SHTN1: variants seen among roughly 807,000 people sequenced by gnomAD.
The protein encoded by SHTN1 is shootin-1.
A neutral mutation model predicts 83.1 loss-of-function variants in SHTN1; 42 were observed. The ratio of observed to expected loss-of-function variants is 0.51; its 90% CI spans 0.39 to 0.65. SHTN1 has a LOEUF of 0.65. Among genes scored for constraint, SHTN1 ranks in the 30% least tolerant of loss-of-function variants. The pLI, the probability that SHTN1 is intolerant of heterozygous loss-of-function variation, is 0.00. For synonymous variants in SHTN1, 224 were observed against 247.7 expected, an observed-to-expected ratio of 0.90 and a Z score of 0.90; for missense variants, 622 against 737.8, an observed-to-expected ratio of 0.84 and a Z score of 1.82.
chr10:117,046,984 AGT>A (rs1852672620), intron 2 of SHTN1, among the ~76,000 whole-genome samples: 1 of 152,192 alleles, frequency 6.6e-6, no homozygotes, highest in Non-Finnish European at 1.5e-5. Context: ...ACTTTAAAAG[AGT>A]GAAGTTCTGG....
chr10:116,918,716 G>A (rs1338170531), intron 12 of SHTN1, among the ~76,000 whole-genome samples: 1 of 152,172 alleles, frequency 6.6e-6, no homozygotes, highest in Non-Finnish European at 1.5e-5. Context: ...CACTTTTCAT[G>A]TTGTGAGACT....
intron 8 of SHTN1, among the ~76,000 whole-genome samples, chr10:116,943,440 A>T (rs1447795243): frequency 6.6e-6 from 1 of 152,208 alleles, no homozygotes; most frequent in Non-Finnish European, 1.5e-5. Flanking sequence ...CAATAAAGGC[A>T]TCTTCACATT....
At chr10:117,036,172 C>T (rs902600034) in intron 2 of SHTN1, among the ~76,000 whole-genome samples, 1 of 152,042 alleles carries the variant, frequency 6.6e-6, no homozygotes, top group African/African-American at 2.4e-5. Flanking sequence ...AGGGAACCCT[C>T]ATACACTGCT....
chr10:116,990,287 C>CTTTTTTTTTTTTTTTT (rs11399364), intron 1 of SHTN1, among the ~76,000 whole-genome samples: 2 of 119,920 alleles, frequency 1.7e-5, no homozygotes, highest in African/African-American at 6.4e-5. Flanking sequence ...TTTTTTCTTT[C>CTTTTTTTTTTTTTTTT]TTTTTTTTTT....
In SHTN1 at chr10:116,934,574, C is replaced by T. The variant is rs533983098; in HGVS notation, c.859-4572G>A. ...CATGCTGCTTTGGTTACTGTAGCCT[C>T]GTAGCATAGTTTGAAGCCAGGCAGT... On this transcript the variant is annotated intron_variant, in intron 9 of 16. Coordinates refer to ENST00000355371, the MANE Select transcript of SHTN1 (RefSeq NM_001127211.3). Among the ~76,000 whole-genome samples, 17 of 152,126 alleles carry T rather than the reference C, an allele frequency of 1.1e-4. No homozygotes were observed. In the South Asian group the frequency reaches 2.5e-3, roughly 22 times the overall value.
intron 3 of SHTN1, 103 bp downstream of exon 3, chr10:116,968,549 T>C (rs1313946978): frequency 1.1e-5 from 8 of 753,994 alleles, no homozygotes; most frequent in Non-Finnish European, 1.7e-5. Flanking sequence ...GCTTTCTTGA[T>C]TGTATGACCA....
intron 2 of SHTN1, among the ~76,000 whole-genome samples, chr10:117,047,923 TAA>T (rs1235966470): frequency 2.7e-5 from 4 of 147,036 alleles, no homozygotes; most frequent in Non-Finnish European, 4.5e-5. Context: ...AAAAAATTAT[TAA>T]AAGTCAGTTC....
chr10:116,962,564 C>G (rs1850219834), intron 3 of SHTN1, among the ~76,000 whole-genome samples: 1 of 152,110 alleles, frequency 6.6e-6, no homozygotes, highest in Admixed American at 6.5e-5. Context: ...CAATAACATT[C>G]TTGCTCTTGA....
chr10:116,974,748 G>A (rs1001710965), intron 2 of SHTN1, among the ~76,000 whole-genome samples: 12 of 151,450 alleles, frequency 7.9e-5, no homozygotes, highest in Non-Finnish European at 1.2e-4. Context: ...TTCTTTTTAC[G>A]CACACTCCAC....
rs1190822956 is a variant in SHTN1, at chr10:116,884,935, A to G, written c.*1409T>C. On this transcript the variant is annotated 3_prime_UTR_variant, in exon 17 of 17. Transcript: ENST00000355371. ...CAGTATTATCCAGTTAAAGAAAGAT[A>G]CAGTTGAAAAACATTACGTTTTAAT... The G allele has an allele frequency of 6.6e-6, 1 of 152,254 alleles. No homozygotes were observed. The highest frequency in any genetic ancestry group is 6.5e-5 in the Admixed American group (1 of 15,284). The allele number at this position is 152,254 out of a possible 1,614,324, so 9.4% of individuals were successfully genotyped here. A position where few individuals can be genotyped will look rare whatever the true frequency, so the allele number is the denominator to read the frequency against.
At chr10:116,987,026 C>T (rs1490279044) in intron 1 of SHTN1, among the ~76,000 whole-genome samples, 1 of 151,982 alleles carries the variant, frequency 6.6e-6, no homozygotes, top group African/African-American at 2.4e-5. Context: ...CGTGCCCGGC[C>T]TATTTTTTTA....
chr10:116,959,572 ATTCT>A (rs1330473072), intron 4 of SHTN1, among the ~76,000 whole-genome samples: 2 of 151,870 alleles, frequency 1.3e-5, no homozygotes, highest in African/African-American at 4.8e-5. Flanking sequence ...TAAAAAAAAC[ATTCT>A]TTAATAATAA....
At chr10:117,102,764 T>G (rs762805672) in intron 1 of SHTN1, among the ~76,000 whole-genome samples, 4 of 152,070 alleles carry the variant, frequency 2.6e-5, no homozygotes, top group Non-Finnish European at 4.4e-5. Flanking sequence ...AGCTCTATTC[T>G]CTCAGTGATG....
chr10:116,974,434 T>C (rs1850720413), intron 2 of SHTN1, among the ~76,000 whole-genome samples: 1 of 152,180 alleles, frequency 6.6e-6, no homozygotes. Context: ...GAGACCTTCA[T>C]CTCTGAATAT....
intron 1 of SHTN1, among the ~76,000 whole-genome samples, chr10:117,065,762 AAG>A (rs1852975922): frequency 1.7e-5 from 1 of 59,568 alleles, no homozygotes; most frequent in Non-Finnish European, 2.9e-5. Context: ...GAAAGAAAGA[AAG>A]AAAGAAAGAA....
chr10:116,918,893 C>T (rs1848460919), intron 12 of SHTN1, among the ~76,000 whole-genome samples: 1 of 152,184 alleles, frequency 6.6e-6, no homozygotes, highest in African/African-American at 2.4e-5. Context: ...CTAACAAATA[C>T]ATTCTTGTCA....
intron 16 of SHTN1, among the ~76,000 whole-genome samples, chr10:116,888,519 CAG>C (rs1491478931): frequency 2.6e-5 from 4 of 152,168 alleles, no homozygotes; most frequent in Non-Finnish European, 4.4e-5. Flanking sequence ...TGTAAAGTGA[CAG>C]AGACTGGGGA....
In SHTN1 at chr10:116,885,352, T is replaced by A. The variant is rs1317171723; in HGVS notation, c.*992A>T. ...AAACAATCAACTTTGAAAAGCTGCATAAGTTTTTTTTTTAATCCCTGATTA... is the reference window on the plus strand; with the variant it reads ...AAACAATCAACTTTGAAAAGCTGCAAAAGTTTTTTTTTTAATCCCTGATTA... On this transcript the variant is annotated 3_prime_UTR_variant, in exon 17 of 17. Coordinates refer to ENST00000355371, the MANE Select transcript of SHTN1 (RefSeq NM_001127211.3). The A allele has an allele frequency of 6.6e-6, 1 of 152,614 alleles. No homozygotes were observed. Among genetic ancestry groups the A allele is most frequent in the African/African-American group, 2.4e-5 (1 of 41,442 alleles). 9.5% of individuals were successfully genotyped at this position (152,614 alleles called of 1,614,324 possible).
At chr10:116,915,224 A>G (rs2133354504) in intron 13 of SHTN1, 151 bp downstream of exon 13, 1 of 577,724 alleles carries the variant, frequency 1.7e-6, no homozygotes, top group Middle Eastern at 3.4e-4. Flanking sequence ...CTCCTGAAAC[A>G]TGCTTATGTG....
Sources: allele counts gnomAD v4.1 joint callset (sites outside exome capture counted in the v4.1 genomes callset), GRCh38; gene constraint gnomAD v4.1.1; transcripts MANE v1.5; gene names NCBI Gene and HGNC (gene_info 2026-07-23, HGNC 2026-07-21).